The following UBR3 variants were observed in gnomAD, a reference collection of about 807,000 sequenced individuals.
UBR3 encodes E3 ubiquitin-protein ligase UBR3.
UBR3 carries 85 observed loss-of-function variants against 243.2 expected under a neutral mutation model. The observed-to-expected ratio is 0.35, with a 90% CI of 0.29 to 0.42. UBR3 has a LOEUF of 0.42. Among genes scored for constraint, UBR3 ranks in the 10% least tolerant of loss-of-function variants. UBR3 has a pLI of 1.00. For missense variants in UBR3, 1,686 were observed against 2,300.8 expected (o/e 0.73, Z 5.47); for synonymous variants, 748 against 799.8 (o/e 0.94, Z 1.09).
intron 33 of UBR3, among the ~76,000 whole-genome samples, chr2:170,056,001 T>C (rs913846737): frequency 1.4e-4 from 17 of 118,772 alleles, no homozygotes; most frequent in African/African-American, 4.5e-4. Flanking sequence ...AGTCTTTTCT[T>C]TCTTTTTTTT....
At chr2:169,989,088 T>G (rs955684886) in intron 25 of UBR3, among the ~76,000 whole-genome samples, 3 of 152,192 alleles carry the variant, frequency 2.0e-5, no homozygotes, top group Non-Finnish European at 2.9e-5. Context: ...TCTGGCTAAT[T>G]TTATTTCATT....
At position 169,845,483 on chromosome 2, in the gene UBR3, C is replaced by G. The variant is rs895488418; in HGVS notation, c.545+17431C>G. ...TTCAGATTGTGACTATTAGTAATTCCTTTCCCTCTTCGTCGTCATCGTCGT... is the reference window on the plus strand; with the variant it reads ...TTCAGATTGTGACTATTAGTAATTCGTTTCCCTCTTCGTCGTCATCGTCGT... On this transcript the variant is annotated intron_variant, in intron 1 of 38. Coordinates refer to ENST00000272793, the MANE Select transcript of UBR3 (RefSeq NM_172070.4). Among the ~76,000 whole-genome samples the G allele has an allele frequency of 3.8e-5, 5 of 133,244 alleles. No homozygotes were observed. In the East Asian group the frequency reaches 1.1e-3, roughly 28 times the overall value. 87.4% of individuals were successfully genotyped at this position (133,244 alleles called of 152,430 possible). A position where few individuals can be genotyped will look rare whatever the true frequency, so the allele number is the denominator to read the frequency against.
chr2:169,860,954 G>C (rs1349886259), intron 1 of UBR3, among the ~76,000 whole-genome samples: 4 of 152,138 alleles, frequency 2.6e-5, no homozygotes, highest in African/African-American at 9.7e-5. Flanking sequence ...GCAAACCGCT[G>C]GTGTAAGTCC....
intron 1 of UBR3, among the ~76,000 whole-genome samples, chr2:169,870,326 G>T (rs1042089540): frequency 6.6e-6 from 1 of 151,868 alleles, no homozygotes; most frequent in Non-Finnish European, 1.5e-5. Context: ...ACTGGGTCTC[G>T]CTATGTCACC....
chr2:169,982,233 T>C (rs1309405942), intron 24 of UBR3, among the ~76,000 whole-genome samples: 2 of 152,154 alleles, frequency 1.3e-5, no homozygotes, highest in South Asian at 2.1e-4. Flanking sequence ...TCACATGATT[T>C]TGAGGGCACC....
At chr2:170,035,918 G>GGT (rs200852273) in intron 31 of UBR3, among the ~76,000 whole-genome samples, 1 of 133,096 alleles carries the variant, frequency 7.5e-6, no homozygotes, top group Non-Finnish European at 1.6e-5. Context: ...ATTGGGGGGG[G>GGT]GGTTGCTAAT....
intron 10 of UBR3, among the ~76,000 whole-genome samples, chr2:169,910,405 T>C (rs1446772092): frequency 6.6e-6 from 1 of 152,170 alleles, no homozygotes; most frequent in Non-Finnish European, 1.5e-5. Context: ...AGGAAGATTA[T>C]TCTGACTACT....
At chr2:170,014,440 G>T (rs1021940147) in intron 29 of UBR3, 2 of 151,026 alleles carry the variant, frequency 1.3e-5, no homozygotes, top group African/African-American at 4.9e-5. Flanking sequence ...GAAAATAAAG[G>T]TATGTCTAAG....
rs559569720 is a variant in UBR3, at chr2:170,071,916, GA to G, written c.5020-1509del. On this transcript the variant is annotated intron_variant, in intron 35 of 38. Coordinates refer to ENST00000272793, the MANE Select transcript of UBR3 (RefSeq NM_172070.4). ...TTTAAAGCAGTCATTAAAAAGTCAG[GA>G]AACAACAGGTGCTGGAGAGGATGTG... 1.6e-4 allele frequency among the ~76,000 whole-genome samples: 25 copies of G among 152,232 alleles called. No individual in the cohort carries two copies. The South Asian group carries it at 5.2e-3, about 32-fold the overall frequency.
chr2:169,925,742 T>G lies in UBR3; in HGVS notation c.2146T>G (p.Leu716Val). ...CATGATTGATCCTGACATTTACCTG[T>G]TACAGGTAAGCCAGCTAGATAATGC... ...NSMIDPDIYL[L>V]QVCASRLDPD... Residue 716 changes from leucine (L) to valine (V), a missense_variant, in exon 14 of 39, where the codon TTA (leucine) becomes GTA (valine). Leu to Val is a conservative substitution (Grantham distance 32). This residue lies in a region of UBR3 where 346 missense variants were observed against 585.8 expected (regional missense o/e 0.59). Coordinates refer to ENST00000272793, the MANE Select transcript of UBR3 (RefSeq NM_172070.4). 1 of 1,545,816 alleles carries G rather than the reference T, an allele frequency of 6.5e-7. No individual in the cohort carries two copies. The highest frequency in any genetic ancestry group is 8.7e-7 in the Non-Finnish European group (1 of 1,144,922).
chr2:170,032,580 C>CTTTTTT (rs6147023), intron 31 of UBR3, among the ~76,000 whole-genome samples: 8 of 20,480 alleles, frequency 3.9e-4, no homozygotes, highest in Admixed American at 7.4e-4. Flanking sequence ...ATGACATTCA[C>CTTTTTT]TTTTTTTTTT....
chr2:169,834,654 G>A (rs901683103), intron 1 of UBR3, among the ~76,000 whole-genome samples: 4 of 151,998 alleles, frequency 2.6e-5, no homozygotes, highest in South Asian at 2.1e-4. Flanking sequence ...CTGCTTTTTC[G>A]TCCCAGCCAG....
chr2:170,001,700 AGCCTGGCCAACGTGGCC>A (rs1326540368), intron 27 of UBR3, among the ~76,000 whole-genome samples: 2 of 152,084 alleles, frequency 1.3e-5, no homozygotes, highest in Non-Finnish European at 2.9e-5. Flanking sequence ...GTTCGAGACC[AGCCTGGCCAACGTGGCC>A]ACCTGGCCAA....
chr2:169,986,370 T>C (rs950998072), intron 24 of UBR3, among the ~76,000 whole-genome samples: 5 of 152,238 alleles, frequency 3.3e-5, no homozygotes, highest in Admixed American at 6.5e-5. Context: ...TCTTTGCCTC[T>C]ATGTTTTCTG....
chr2:169,875,186 C>G (rs1178812042), intron 2 of UBR3, among the ~76,000 whole-genome samples: 2 of 152,072 alleles, frequency 1.3e-5, no homozygotes, highest in East Asian at 3.8e-4. Flanking sequence ...TACTCTTATA[C>G]TACTCTCAAT....
At chr2:169,874,435 C>T (rs1453772172) in intron 2 of UBR3, among the ~76,000 whole-genome samples, 2 of 152,154 alleles carry the variant, frequency 1.3e-5, no homozygotes, top group Non-Finnish European at 2.9e-5. Context: ...TCTGAAAGTG[C>T]TGGGACTACA....
intron 1 of UBR3, among the ~76,000 whole-genome samples, chr2:169,862,870 T>G (rs1332770940): frequency 6.6e-6 from 1 of 152,140 alleles, no homozygotes; most frequent in Non-Finnish European, 1.5e-5. Flanking sequence ...CATCAGGGCT[T>G]TTAACATGGG....
At chr2:170,034,530 A>C (rs1351592892) in intron 31 of UBR3, among the ~76,000 whole-genome samples, 1 of 152,058 alleles carries the variant, frequency 6.6e-6, no homozygotes, top group African/African-American at 2.4e-5. Context: ...ATATAATAGA[A>C]ATAACAATCC....
At chr2:169,952,822 A>G (rs1443107078) in intron 23 of UBR3, among the ~76,000 whole-genome samples, 2 of 152,186 alleles carry the variant, frequency 1.3e-5, no homozygotes, top group African/African-American at 4.8e-5. Flanking sequence ...CGTGGGAGAA[A>G]GGACATTCAG....
Sources: gnomAD v4.1 joint callset for allele counts (sites outside exome capture counted in the v4.1 genomes callset) on GRCh38, gnomAD v4.1.1 for gene constraint, gnomAD v4.1.1 regional missense constraint, MANE v1.5 for transcripts, NCBI Gene and HGNC (gene_info 2026-07-23, HGNC 2026-07-21) for gene names.